The following PKIB variants were observed in gnomAD, a reference collection of about 807,000 sequenced individuals.
PKIB encodes PKI-beta.
PKIB carries 2 observed loss-of-function variants against 4.5 expected under a neutral mutation model. The observed-to-expected ratio is 0.44, with a 90% confidence interval of 0.18 to 1.39. The LOEUF (loss-of-function observed/expected upper bound fraction) is 1.39, where lower values mean the gene tolerates loss of function less well. Among genes scored for constraint, PKIB ranks in the 40% most tolerant of loss-of-function variants. The pLI, the probability that PKIB is intolerant of heterozygous loss-of-function variation, is 0.27. For missense variants in PKIB, 94 were observed against 92.6 expected, an observed-to-expected ratio of 1.02 and a Z score of -0.06; for synonymous variants, 38 against 36.0, an observed-to-expected ratio of 1.06 and a Z score of -0.20.
chr6:122,506,030 A>G (rs1776385742), intron 2 of PKIB, among the ~76,000 whole-genome samples: 1 of 152,110 alleles, frequency 6.6e-6, no homozygotes, highest in African/African-American at 2.4e-5. Context: ...GCCCATAATG[A>G]CTGTTATAAG....
At chr6:122,613,878 G>A (rs1035559597) in intron 1 of PKIB, among the ~76,000 whole-genome samples, 5 of 145,338 alleles carry the variant, frequency 3.4e-5, no homozygotes, top group African/African-American at 1.0e-4. Context: ...TAGGAGTATC[G>A]CTTGAACCCA....
At chr6:122,701,613 T>C in intron 3 of PKIB, 1 of 1,260,940 alleles carries the variant, frequency 7.9e-7, no homozygotes. Context: ...TTAGCAGTTC[T>C]GTCTCAGGTA....
chr6:122,576,995 T>A (rs2114703097), intron 2 of PKIB, among the ~76,000 whole-genome samples: 1 of 152,186 alleles, frequency 6.6e-6, no homozygotes, highest in Non-Finnish European at 1.5e-5. Flanking sequence ...TTTCTTCATA[T>A]ATTAATTCAT....
In PKIB at chr6:122,542,600, G is replaced by A. The variant is rs184466417; in HGVS notation, c.-247-43321G>A. On this transcript the variant is annotated intron_variant, in intron 2 of 6. Coordinates refer to the PKIB transcript ENST00000392491. ...GAAGTTTTGTCTCAGAGGAGTACCCGGCCGTGTGAGGTGTCAGTCTGCCCC... is the reference window on the plus strand; with the variant it reads ...GAAGTTTTGTCTCAGAGGAGTACCCAGCCGTGTGAGGTGTCAGTCTGCCCC... 3.0e-3 allele frequency among the ~76,000 whole-genome samples: 459 copies of A among 152,110 alleles called. 3 individuals are homozygous for A. The highest frequency in any genetic ancestry group is 0.01 in the African/African-American group (435 of 41,432).
chr6:122,689,608 T>A (rs140709120), intron 3 of PKIB, among the ~76,000 whole-genome samples: 182 of 152,306 alleles, frequency 1.2e-3, no homozygotes, highest in African/African-American at 4.3e-3. Context: ...TCCATGGTAG[T>A]CAGAGAAGAT....
chr6:122,723,911 A>G (rs1423125906), intron 4 of PKIB, among the ~76,000 whole-genome samples: 2 of 152,098 alleles, frequency 1.3e-5, no homozygotes, highest in Non-Finnish European at 2.9e-5. Context: ...TTTATTGTCC[A>G]TATTTCTCAT....
intron 3 of PKIB, among the ~76,000 whole-genome samples, chr6:122,687,371 T>G (rs1778135386): frequency 6.6e-6 from 1 of 152,168 alleles, no homozygotes; most frequent in African/African-American, 2.4e-5. Context: ...TTACTGTAGC[T>G]CTGTAGTATA....
chr6:122,604,533 T>G (rs1395128595), intron 3 of PKIB, among the ~76,000 whole-genome samples: 2 of 152,210 alleles, frequency 1.3e-5, no homozygotes, highest in Non-Finnish European at 2.9e-5. Context: ...TTGATGAGTT[T>G]ATTTGGAAAG....
chr6:122,677,017 GATTT>G (rs1209319901), intron 3 of PKIB, among the ~76,000 whole-genome samples: 1 of 152,106 alleles, frequency 6.6e-6, no homozygotes, highest in African/African-American at 2.4e-5. Flanking sequence ...TCCTTGTAAA[GATTT>G]CATTTGTAAG....
chr6:122,527,491 A>G (rs902986026), intron 2 of PKIB, among the ~76,000 whole-genome samples: 5 of 152,074 alleles, frequency 3.3e-5, no homozygotes, highest in Admixed American at 6.6e-5. Context: ...CAGGATTTCT[A>G]TTGACCTAAT....
chr6:122,714,992 G>A (rs1391435919), intron 3 of PKIB, among the ~76,000 whole-genome samples: 2 of 151,026 alleles, frequency 1.3e-5, no homozygotes, highest in Non-Finnish European at 2.9e-5. Flanking sequence ...TCACCATCTT[G>A]GCCAGGCTGG....
At chr6:122,497,713 A>G (rs1404722307) in intron 2 of PKIB, among the ~76,000 whole-genome samples, 1 of 152,230 alleles carries the variant, frequency 6.6e-6, no homozygotes, top group Non-Finnish European at 1.5e-5. Flanking sequence ...CCAAATTAAT[A>G]AAATAAGTAC....
chr6:122,672,335 C>A (rs758914135), intron 2 of PKIB, among the ~76,000 whole-genome samples: 18 of 152,140 alleles, frequency 1.2e-4, no homozygotes, highest in Admixed American at 9.2e-4. Context: ...AGAAAATATT[C>A]CTCATCTAAA....
intron 2 of PKIB, among the ~76,000 whole-genome samples, chr6:122,649,290 C>T (rs1776453579): frequency 6.6e-6 from 1 of 152,144 alleles, no homozygotes; most frequent in African/African-American, 2.4e-5. Flanking sequence ...GAATGAACAC[C>T]CAGCTTCACT....
At chr6:122,534,621 A>G (rs1346782205) in intron 2 of PKIB, among the ~76,000 whole-genome samples, 1 of 152,140 alleles carries the variant, frequency 6.6e-6, no homozygotes, top group Non-Finnish European at 1.5e-5. Flanking sequence ...TGGTTCATAA[A>G]TAACTACCAG....
intron 1 of PKIB, among the ~76,000 whole-genome samples, chr6:122,633,016 A>G (rs912033111): frequency 6.6e-6 from 1 of 152,240 alleles, no homozygotes; most frequent in Non-Finnish European, 1.5e-5. Flanking sequence ...TGAACAAAAT[A>G]ATACAAAGAA....
At chr6:122,652,331 TGTGGAGAG>T (rs1041277139) in intron 2 of PKIB, among the ~76,000 whole-genome samples, 3 of 50,316 alleles carry the variant, frequency 6.0e-5, no homozygotes, top group Non-Finnish European at 1.1e-4. Flanking sequence ...TGTGTGTGTG[TGTGGAGAG>T]AGAGAGATTT....
chr6:122,647,390 G>A (rs1461011415), intron 2 of PKIB, among the ~76,000 whole-genome samples: 1 of 152,206 alleles, frequency 6.6e-6, no homozygotes, highest in Non-Finnish European at 1.5e-5. Context: ...AGACTAGTCA[G>A]GTTGACGCAT....
chr6:122,521,365 CTGT>C (rs997098506), intron 2 of PKIB, among the ~76,000 whole-genome samples: 4 of 152,074 alleles, frequency 2.6e-5, no homozygotes, highest in African/African-American at 7.2e-5. Context: ...AAATGGTTCA[CTGT>C]TGTTGTGTAG....
Sources: gnomAD v4.1 joint callset for allele counts (sites outside exome capture counted in the v4.1 genomes callset) on GRCh38, gnomAD v4.1.1 for gene constraint, MANE v1.5 for transcripts, NCBI Gene and HGNC (gene_info 2026-07-23, HGNC 2026-07-21) for gene names.